The following EYS variants were observed in gnomAD, a reference collection of about 807,000 sequenced individuals.
EYS encodes the protein EGF-like photoreceptor maintenance factor.
EYS carries 250 observed loss-of-function variants against 282.1 expected under a neutral mutation model. The ratio of observed to expected loss-of-function variants is 0.89; its 90% CI spans 0.80 to 0.98. The LOEUF is 0.98. Ranked by LOEUF, EYS falls within the 50% of genes least tolerant of loss-of-function variation. The probability of loss-of-function intolerance (pLI) is 0.00; values close to 1 mark genes in which losing one functional copy is unlikely to be tolerated. For synonymous variants in EYS, 1,355 were observed against 1,282.9 expected (o/e 1.06, Z -1.20); for missense variants, 4,016 against 3,709.0 (o/e 1.08, Z -2.15).
intron 5 of EYS, among the ~76,000 whole-genome samples, chr6:65,479,730 A>G (rs1465617136): frequency 6.6e-6 from 1 of 152,204 alleles, no homozygotes; most frequent in Non-Finnish European, 1.5e-5. Flanking sequence ...AACGCATTGG[A>G]TAAATTCTTT....
chr6:65,271,142 A>ATATATATATATATATATG (rs1767890996), intron 12 of EYS, among the ~76,000 whole-genome samples: 1 of 132,718 alleles, frequency 7.5e-6, no homozygotes, highest in Non-Finnish European at 1.6e-5. Flanking sequence ...ATATATATAT[A>ATATATATATATATATATG]TATATATATA....
intron 13 of EYS, among the ~76,000 whole-genome samples, chr6:65,028,247 T>G (rs1276902584): frequency 6.6e-6 from 1 of 152,024 alleles, no homozygotes; most frequent in Non-Finnish European, 1.5e-5. Flanking sequence ...CAAAATGTTT[T>G]GGGATATTTT....
intron 16 of EYS, among the ~76,000 whole-genome samples, chr6:64,908,077 T>C (rs962335642): frequency 2.6e-5 from 4 of 152,182 alleles, no homozygotes; most frequent in Admixed American, 6.5e-5. Flanking sequence ...CCACAACTTG[T>C]CATCCCTTGT....
At chr6:65,577,751 A>T (rs533306801) in intron 2 of EYS, among the ~76,000 whole-genome samples, 24 of 47,494 alleles carry the variant, frequency 5.1e-4, no homozygotes, top group African/African-American at 9.8e-4. Flanking sequence ...AGCCTGTTTT[A>T]AAAAAAAAAA....
Position 64,919,633 on chromosome 6 carries a change from A to G in EYS, c.2382-6890T>C, listed in dbSNP as rs967856871. ...ATTTCAATTGGAAGAATTATAATCT[A>G]TATTTTTCATACATTTTGATGTAAA... On this transcript the variant is annotated intron_variant, in intron 15 of 42. Transcript: ENST00000503581. 1.3e-4 allele frequency among the ~76,000 whole-genome samples: 20 copies of G among 152,048 alleles called. 1 individual carries two copies. Among genetic ancestry groups the G allele is most frequent in the African/African-American group, 4.8e-4 (20 of 41,510 alleles).
intron 1 of EYS, among the ~76,000 whole-genome samples, chr6:65,696,884 T>C (rs569024603): frequency 6.6e-6 from 1 of 152,176 alleles, no homozygotes. Context: ...TCTTAATCTA[T>C]ATTGTTTCTT....
At chr6:64,289,023 G>A (rs1030592125) in intron 30 of EYS, among the ~76,000 whole-genome samples, 1 of 151,992 alleles carries the variant, frequency 6.6e-6, no homozygotes, top group African/African-American at 2.4e-5. Flanking sequence ...CTACAATAAA[G>A]TGATTCGGGT....
intron 40 of EYS, among the ~76,000 whole-genome samples, chr6:63,764,898 C>G (rs1034584218): frequency 1.3e-5 from 2 of 151,626 alleles, no homozygotes; most frequent in Non-Finnish European, 2.9e-5. Flanking sequence ...CTTTTTGTTC[C>G]TTGGTTTCTA....
chr6:64,770,400 C>T (rs991849014), intron 22 of EYS, among the ~76,000 whole-genome samples: 6 of 151,824 alleles, frequency 4.0e-5, no homozygotes, highest in African/African-American at 1.2e-4. Flanking sequence ...TTCAAACAGT[C>T]GTATTCAGAA....
chr6:65,120,151 C>CAA (rs1170415166), intron 12 of EYS, among the ~76,000 whole-genome samples: 1,545 of 62,422 alleles, frequency 0.025, 72 homozygotes, highest in African/African-American at 0.071. Context: ...GACTCCGTCT[C>CAA]AAAAAAAAAA....
chr6:65,408,571 C>T (rs1463674442), intron 5 of EYS, among the ~76,000 whole-genome samples: 1 of 152,036 alleles, frequency 6.6e-6, no homozygotes, highest in East Asian at 1.9e-4. Flanking sequence ...TTAATGAGTC[C>T]TCACTTCCAA....
At chr6:63,973,372 C>T (rs776291670) in intron 35 of EYS, among the ~76,000 whole-genome samples, 3 of 151,750 alleles carry the variant, frequency 2.0e-5, no homozygotes, top group African/African-American at 7.3e-5. Flanking sequence ...CCAGAATCTA[C>T]AAGGAACTTA....
At chr6:64,235,065 A>T (rs1562265161) in intron 30 of EYS, among the ~76,000 whole-genome samples, 1 of 142,170 alleles carries the variant, frequency 7.0e-6, no homozygotes, top group African/African-American at 2.6e-5. Flanking sequence ...TTGTATTTTT[A>T]TTTTTTATTT....
rs538952442 is a variant in EYS at position 64,884,677 on chromosome 6, T to A, written c.2992+2020A>T. On this transcript the variant is annotated intron_variant, in intron 19 of 42. Coordinates refer to ENST00000503581, the MANE Select transcript of EYS (RefSeq NM_001142800.2). ...GTATGAAAGAGAAGGTCAATTTGAATGTCAAAAGAGTATGTACAGAAAAAC... is the reference window on the plus strand; with the variant it reads ...GTATGAAAGAGAAGGTCAATTTGAAAGTCAAAAGAGTATGTACAGAAAAAC... Among the ~76,000 whole-genome samples the A allele has an allele frequency of 3.3e-5, 5 of 151,730 alleles. No individual in the cohort carries two copies. In the South Asian group the frequency reaches 1.0e-3, roughly 31 times the overall value.
At chr6:64,656,215 G>A (rs1768738839) in intron 22 of EYS, among the ~76,000 whole-genome samples, 2 of 152,090 alleles carry the variant, frequency 1.3e-5, no homozygotes, top group African/African-American at 4.8e-5. Flanking sequence ...ATGCTGCTAT[G>A]TTTTACGATG....
chr6:64,026,785 C>T (rs1769536596), intron 33 of EYS, among the ~76,000 whole-genome samples: 3 of 152,152 alleles, frequency 2.0e-5, no homozygotes, highest in Admixed American at 2.0e-4. Context: ...CAAAGTACCA[C>T]AAAACCCCCT....
chr6:65,323,501 G>A (rs1769534209), intron 11 of EYS, among the ~76,000 whole-genome samples: 1 of 152,064 alleles, frequency 6.6e-6, no homozygotes, highest in South Asian at 2.1e-4. Flanking sequence ...TGCAGACTTT[G>A]TCTTTAATAC....
At chr6:65,219,321 T>C in intron 12 of EYS, among the ~76,000 whole-genome samples, 1 of 152,134 alleles carries the variant, frequency 6.6e-6, no homozygotes, top group Non-Finnish European at 1.5e-5. Context: ...AATGTTGATT[T>C]TCAGTAGAGG....
At chr6:65,181,101 A>T (rs934323485) in intron 12 of EYS, among the ~76,000 whole-genome samples, 3 of 152,118 alleles carry the variant, frequency 2.0e-5, no homozygotes, top group Non-Finnish European at 4.4e-5. Flanking sequence ...AACCATAAAA[A>T]CCCTAGAAGA....
Sources: gnomAD v4.1 joint callset for allele counts (sites outside exome capture counted in the v4.1 genomes callset) on GRCh38, gnomAD v4.1.1 for gene constraint, MANE v1.5 for transcripts, NCBI Gene and HGNC (gene_info 2026-07-23, HGNC 2026-07-21) for gene names.